Variants in SNTG1 observed in about 807,000 individuals in gnomAD.
SNTG1 encodes the protein syntrophin gamma 1.
A neutral mutation model predicts 74.7 loss-of-function variants in SNTG1; 39 were observed. The ratio of observed to expected loss-of-function variants is 0.52; its 90% CI spans 0.40 to 0.68. The LOEUF is 0.68. Among genes scored for constraint, SNTG1 ranks in the 30% least tolerant of loss-of-function variants. The probability of loss-of-function intolerance (pLI) is 0.00; values close to 1 mark genes in which losing one functional copy is unlikely to be tolerated. For synonymous variants in SNTG1, 254 were observed against 217.1 expected, an observed-to-expected ratio of 1.17 and a Z score of -1.49; for missense variants, 685 against 609.5, an observed-to-expected ratio of 1.12 and a Z score of -1.30.
intron 2 of SNTG1, among the ~76,000 whole-genome samples, chr8:50,359,994 G>C (rs1053009192): frequency 1.3e-5 from 2 of 152,014 alleles, no homozygotes; most frequent in Non-Finnish European, 2.9e-5. Context: ...AAAAGAACAA[G>C]TTTCTTAGAA....
intron 9 of SNTG1, among the ~76,000 whole-genome samples, chr8:50,523,236 C>T (rs1244058151): frequency 2.0e-5 from 3 of 152,142 alleles, no homozygotes; most frequent in African/African-American, 7.2e-5. Flanking sequence ...GCCACTAAAA[C>T]TTTCTCCTTA....
chr8:49,935,722 G>A (rs1354437451), intron 1 of SNTG1, among the ~76,000 whole-genome samples: 1 of 152,080 alleles, frequency 6.6e-6, no homozygotes, highest in African/African-American at 2.4e-5. Flanking sequence ...TCACCAGCCT[G>A]CAGCTCTGGC....
chr8:50,712,689 G>A (rs535298339), intron 17 of SNTG1, among the ~76,000 whole-genome samples: 12 of 151,258 alleles, frequency 7.9e-5, no homozygotes, highest in African/African-American at 2.4e-4. Context: ...AGTGTGTGAT[G>A]TTTCCCTCCT....
intron 1 of SNTG1, among the ~76,000 whole-genome samples, chr8:50,075,097 G>C (rs1295844861): frequency 6.6e-6 from 1 of 152,188 alleles, no homozygotes; most frequent in Non-Finnish European, 1.5e-5. Flanking sequence ...CCGCCTCCCT[G>C]AAAAGTAGGA....
intron 8 of SNTG1, among the ~76,000 whole-genome samples, chr8:50,470,339 G>A (rs1462778312): frequency 6.6e-6 from 1 of 152,196 alleles, no homozygotes; most frequent in African/African-American, 2.4e-5. Flanking sequence ...CTTCCGGTGG[G>A]TTCTTGGTCT....
chr8:50,106,294 A>G (rs183480465), intron 1 of SNTG1, among the ~76,000 whole-genome samples: 115 of 151,838 alleles, frequency 7.6e-4, no homozygotes, highest in Admixed American at 1.8e-3. Context: ...ATCAGATCTC[A>G]TGAGAACTCA....
chr8:50,450,439 C>A (rs2093445276), intron 6 of SNTG1, 117 bp from the exon 7 acceptor site: 1 of 1,035,926 alleles, frequency 9.7e-7, no homozygotes, highest in Non-Finnish European at 1.4e-6. Flanking sequence ...AAGATGCTAA[C>A]CATATAAGAC....
At chr8:50,503,717 G>T (rs2093983197) in intron 9 of SNTG1, among the ~76,000 whole-genome samples, 1 of 151,916 alleles carries the variant, frequency 6.6e-6, no homozygotes, top group Admixed American at 6.6e-5. Context: ...CATTTATATT[G>T]CTGTTTATTT....
chr8:50,369,829 C>A (rs1587351882), intron 2 of SNTG1, among the ~76,000 whole-genome samples: 1 of 152,102 alleles, frequency 6.6e-6, no homozygotes, highest in Non-Finnish European at 1.5e-5. Flanking sequence ...CAAACTGACT[C>A]GATGCCAAGT....
chr8:50,383,231 T>G (rs1364432198), intron 2 of SNTG1, among the ~76,000 whole-genome samples: 1 of 152,190 alleles, frequency 6.6e-6, no homozygotes, highest in Admixed American at 6.6e-5. Context: ...GTCATCCTTC[T>G]AACGAATATG....
intron 15 of SNTG1, among the ~76,000 whole-genome samples, chr8:50,688,970 C>T (rs1273454265): frequency 1.3e-5 from 2 of 152,112 alleles, no homozygotes; most frequent in African/African-American, 2.4e-5. Context: ...CTAGGTCCTT[C>T]ACATCCCTTG....
intron 11 of SNTG1, among the ~76,000 whole-genome samples, chr8:50,540,627 C>G (rs115756874): frequency 0.013 from 1,954 of 152,052 alleles, 46 homozygotes; most frequent in African/African-American, 0.045. Context: ...CTGTGTGTTT[C>G]TCTACATTGT....
intron 2 of SNTG1, among the ~76,000 whole-genome samples, chr8:50,375,559 A>G (rs1477503256): frequency 1.3e-5 from 2 of 152,170 alleles, no homozygotes; most frequent in Non-Finnish European, 2.9e-5. Flanking sequence ...TTTAGGCTGA[A>G]TCACTTAAAA....
At chr8:50,229,833 A>G (rs2085526932) in intron 2 of SNTG1, among the ~76,000 whole-genome samples, 1 of 151,488 alleles carries the variant, frequency 6.6e-6, no homozygotes, top group African/African-American at 2.4e-5. Context: ...CGTTTTGGGC[A>G]ACAAATACAC....
Position 50,296,878 on chromosome 8 carries a change from C to T in SNTG1, c.-27-97334C>T, listed in dbSNP as rs530265627. Among the ~76,000 whole-genome samples the T allele has an allele frequency of 2.0e-5, 3 of 152,126 alleles. No homozygotes were observed. The South Asian group carries it at 6.2e-4, about 31-fold the overall frequency. On this transcript the variant is annotated intron_variant, in intron 2 of 18. Transcript: ENST00000642720. ...CATCACATTTGAGGAAATTAGTTAT[C>T]CTGCTTATTAAGTAGTAAGCGCAAG...
At chr8:50,474,552 G>A (rs184361884) in intron 8 of SNTG1, among the ~76,000 whole-genome samples, 6,035 of 152,166 alleles carry the variant, frequency 0.04, 127 homozygotes, top group Middle Eastern at 0.11. Flanking sequence ...AGTTAGAATG[G>A]CGATCATTAA....
intron 9 of SNTG1, among the ~76,000 whole-genome samples, chr8:50,526,644 C>A (rs1026058651): frequency 3.0e-5 from 1 of 33,842 alleles, no homozygotes; most frequent in South Asian, 1.4e-3. Flanking sequence ...CATATATACA[C>A]GCATATATAT....
intron 1 of SNTG1, among the ~76,000 whole-genome samples, chr8:50,051,766 T>C (rs1819595557): frequency 1.3e-5 from 2 of 152,064 alleles, no homozygotes; most frequent in African/African-American, 4.8e-5. Context: ...ACACCAGTCA[T>C]ATTGGACTAG....
At chr8:50,426,248 G>C (rs79518906) in intron 4 of SNTG1, among the ~76,000 whole-genome samples, 3 of 152,062 alleles carry the variant, frequency 2.0e-5, no homozygotes. Context: ...GGCACCTCTT[G>C]TCTGTGACAC....
Sources: allele counts gnomAD v4.1 joint callset (sites outside exome capture counted in the v4.1 genomes callset), GRCh38; gene constraint gnomAD v4.1.1; transcripts MANE v1.5; gene names NCBI Gene and HGNC (gene_info 2026-07-23, HGNC 2026-07-21).